The following ABCE1 variants were observed in gnomAD, a reference collection of about 807,000 sequenced individuals.
ABCE1 encodes the protein ATP-binding cassette sub-family E member 1.
ABCE1 carries 22 observed loss-of-function variants against 83.4 expected under a neutral mutation model. The observed-to-expected ratio is 0.26, with a 90% CI of 0.19 to 0.38. The LOEUF (loss-of-function observed/expected upper bound fraction) is 0.38, where lower values mean the gene tolerates loss of function less well. Among genes scored for constraint, ABCE1 ranks in the 10% least tolerant of loss-of-function variants. The pLI, the probability that ABCE1 is intolerant of heterozygous loss-of-function variation, is 1.00. For synonymous variants in ABCE1, 204 were observed against 233.7 expected, an observed-to-expected ratio of 0.87 and a Z score of 1.16; for missense variants, 330 against 721.9, an observed-to-expected ratio of 0.46 and a Z score of 6.22.
intron 7 of ABCE1, among the ~76,000 whole-genome samples, chr4:145,110,665 C>A (rs1749445044): frequency 6.6e-6 from 1 of 152,026 alleles, no homozygotes; most frequent in Non-Finnish European, 1.5e-5. Context: ...TTAGTAGAGA[C>A]CGGGTTTCTC....
intron 2 of ABCE1, 94 bp downstream of exon 2, chr4:145,104,609 G>A (rs1749249804): frequency 2.6e-6 from 2 of 761,290 alleles, no homozygotes; most frequent in Non-Finnish European, 3.8e-6. Flanking sequence ...CATAAACTTT[G>A]TGTTCACCAT....
chr4:145,125,260 G>A (rs1012728842), intron 17 of ABCE1, among the ~76,000 whole-genome samples, 159 bp downstream of exon 17: 10 of 152,254 alleles, frequency 6.6e-5, no homozygotes, highest in Middle Eastern at 3.4e-3. Flanking sequence ...TTGAGGTCAC[G>A]AGTTTGAGAC....
At position 145,110,299 on chromosome 4, in the gene ABCE1, A is replaced by G. The variant is rs147976617; in HGVS notation, c.543+59A>G. The G allele has an allele frequency of 7.5e-6, 12 of 1,599,762 alleles. No individual in the cohort carries two copies. In the African/African-American group the frequency reaches 9.5e-5, roughly 13 times the overall value. On this transcript the variant is annotated intron_variant, in intron 6 of 17. Coordinates refer to ENST00000296577, the MANE Select transcript of ABCE1 (RefSeq NM_002940.3). ...TAGTAGAAGTATAAAAGATATATCA[A>G]AATAAACTTGTTTTACTTTGTGATT...
Position 145,119,913 on chromosome 4 carries a change from A to G in ABCE1, c.923-19A>G. 15 of 1,593,328 alleles carry G rather than the reference A, an allele frequency of 9.4e-6. No homozygotes were observed. Among genetic ancestry groups the G allele is most frequent in the Non-Finnish European group, 1.3e-5 (15 of 1,163,448 alleles). On this transcript the variant is annotated intron_variant, in intron 10 of 17. Coordinates refer to ENST00000296577, the MANE Select transcript of ABCE1 (RefSeq NM_002940.3). ...TGGCTCTAATGATTTCTCCCGGTTG[A>G]CAATTTTCTTCCCAACAGGCATAAA...
intron 8 of ABCE1, among the ~76,000 whole-genome samples, chr4:145,111,473 G>A (rs896821346): frequency 3.9e-5 from 6 of 152,046 alleles, no homozygotes; most frequent in Non-Finnish European, 5.9e-5. Context: ...ACAGACGCCC[G>A]CCACCACACC....
intron 8 of ABCE1, 103 bp downstream of exon 8, chr4:145,111,167 A>G: frequency 2.9e-6 from 2 of 699,034 alleles, no homozygotes; most frequent in Non-Finnish European, 4.6e-6. Context: ...TAATAGAAAT[A>G]GTATCTAAGT....
intron 9 of ABCE1, among the ~76,000 whole-genome samples, chr4:145,112,920 T>G (rs1206582399): frequency 6.6e-6 from 1 of 152,174 alleles, no homozygotes; most frequent in Non-Finnish European, 1.5e-5. Flanking sequence ...GGTTACAAAT[T>G]TACTGTATGA....
rs1220546460 is a variant in ABCE1 at position 145,117,430 on chromosome 4, T to G, written c.922+16T>G. ...GTAAGAGAAGGTAACTTGAAAAACTTTTTTCACATATGCTGTATTCTCTTC... is the reference window on the plus strand; with the variant it reads ...GTAAGAGAAGGTAACTTGAAAAACTGTTTTCACATATGCTGTATTCTCTTC... On this transcript the variant is annotated intron_variant, in intron 10 of 17. Coordinates refer to ENST00000296577, the MANE Select transcript of ABCE1 (RefSeq NM_002940.3). 2.5e-6 allele frequency: 4 copies of G among 1,607,980 alleles called. No individual in the cohort carries two copies. Among genetic ancestry groups the G allele is most frequent in the African/African-American group, 1.3e-5 (1 of 74,644 alleles).
chr4:145,098,607 C>T (rs1458695143), intron 1 of ABCE1, 188 bp downstream of exon 1: 1 of 152,320 alleles, frequency 6.6e-6, no homozygotes, highest in African/African-American at 2.4e-5. Context: ...CTTGGGGGCG[C>T]CTCGGTCTTC....
chr4:145,101,824 G>A (rs1749162413), intron 1 of ABCE1, among the ~76,000 whole-genome samples: 1 of 152,220 alleles, frequency 6.6e-6, no homozygotes, highest in Non-Finnish European at 1.5e-5. Flanking sequence ...GCTTAGTTGG[G>A]AGATTCCTCT....
At chr4:145,124,282 G>A (rs1267576184) in intron 16 of ABCE1, among the ~76,000 whole-genome samples, 1 of 151,986 alleles carries the variant, frequency 6.6e-6, no homozygotes, top group Non-Finnish European at 1.5e-5. Flanking sequence ...TGGAGAGCAA[G>A]GAATGGAGTT....
chr4:145,129,484 A>G lies in ABCE1; in HGVS notation c.*1911A>G, dbSNP rs1433652910. 2.0e-5 allele frequency among the ~76,000 whole-genome samples: 3 copies of G among 152,204 alleles called. No individual in the cohort carries two copies. Among genetic ancestry groups the G allele is most frequent in the Admixed American group, 2.0e-4 (3 of 15,286 alleles). On this transcript the variant is annotated 3_prime_UTR_variant, in exon 18 of 18. Transcript: ENST00000296577. ...TTATTATACTACCATTTTTGTGAAA[A>G]TATACAAAATATTGAAATAAAGGAA... is the stretch of plus-strand genomic sequence containing the variant.
At position 145,127,545 on chromosome 4, in the gene ABCE1, G is replaced by A. The variant is rs1749924322; in HGVS notation, c.1772G>A (p.Ser591Asn). ...TTTTAGGATGTAGAACAAAAGAAGA[G>A]TGGAAACTACTTTTTCTTGGATGAT... ...NSIKDVEQKK[S>N]GNYFFLDD The change falls in exon 18 of 18, where the codon AGT (serine) becomes AAT (asparagine). Residue 591 changes from serine (S) to asparagine (N), a missense_variant. Transcript: ENST00000296577. 6 of 1,577,676 alleles carry A rather than the reference G, an allele frequency of 3.8e-6. No individual in the cohort carries two copies. Among genetic ancestry groups the A allele is most frequent in the South Asian group, 3.6e-5 (3 of 83,868 alleles).
chr4:145,125,495 C>G (rs1171953292), intron 17 of ABCE1, among the ~76,000 whole-genome samples: 1 of 151,998 alleles, frequency 6.6e-6, no homozygotes, highest in Non-Finnish European at 1.5e-5. Flanking sequence ...TAAAAAACAA[C>G]CATATTTTAT....
chr4:145,102,147 G>A (rs1045096425), intron 1 of ABCE1, among the ~76,000 whole-genome samples: 1 of 152,150 alleles, frequency 6.6e-6, no homozygotes, highest in African/African-American at 2.4e-5. Flanking sequence ...AGATGCAATT[G>A]ATTGGTCAGG....
intron 3 of ABCE1, 55 bp downstream of exon 3, chr4:145,105,745 A>G: frequency 7.8e-7 from 1 of 1,286,542 alleles, no homozygotes; most frequent in Non-Finnish European, 1.1e-6. Context: ...TGAAATCTGA[A>G]AATTCTGGAT....
At chr4:145,108,468 G>A (rs761756135) in intron 4 of ABCE1, among the ~76,000 whole-genome samples, 13 of 152,038 alleles carry the variant, frequency 8.6e-5, no homozygotes, top group Non-Finnish European at 1.8e-4. Flanking sequence ...AACTTTTAAG[G>A]GAACTTGCCT....
intron 6 of ABCE1, 54 bp downstream of exon 6, chr4:145,110,294 T>C (rs1265297006): frequency 6.9e-6 from 11 of 1,598,816 alleles, no homozygotes; most frequent in South Asian, 1.1e-5. Context: ...ATAAAAGATA[T>C]ATCAAAATAA....
At chr4:145,120,656 T>C (rs538714942) in intron 11 of ABCE1, among the ~76,000 whole-genome samples, 1 of 152,192 alleles carries the variant, frequency 6.6e-6, no homozygotes, top group South Asian at 2.1e-4. Context: ...ATATGTGATA[T>C]TGCCTTCATG....
Sources: gnomAD v4.1 joint callset for allele counts (sites outside exome capture counted in the v4.1 genomes callset) on GRCh38, gnomAD v4.1.1 for gene constraint, MANE v1.5 for transcripts, NCBI Gene and HGNC (gene_info 2026-07-23, HGNC 2026-07-21) for gene names.